Variants in ZNF236 observed in about 807,000 individuals in gnomAD.
The protein encoded by ZNF236 is zinc finger protein 236.
A neutral mutation model predicts 191.2 loss-of-function variants in ZNF236; 50 were observed. That is an observed-to-expected ratio of 0.26 (90% CI 0.21 to 0.33). ZNF236 has a LOEUF of 0.33. Among genes scored for constraint, ZNF236 ranks in the 10% least tolerant of loss-of-function variants. The pLI is 1.00. For missense variants in ZNF236, 1,754 were observed against 2,374.5 expected, an observed-to-expected ratio of 0.74 and a Z score of 5.43; for synonymous variants, 907 against 928.8, an observed-to-expected ratio of 0.98 and a Z score of 0.43.
intron 26 of ZNF236, among the ~76,000 whole-genome samples, chr18:76,938,147 T>C (rs572485591): frequency 3.3e-5 from 5 of 152,108 alleles, no homozygotes; most frequent in Non-Finnish European, 5.9e-5. Context: ...CCCAGCACTT[T>C]GGGAGGCTGA....
At chr18:76,928,185 T>C in intron 25 of ZNF236, 79 bp downstream of exon 25, 7 of 1,163,846 alleles carry the variant, frequency 6.0e-6, no homozygotes, top group Non-Finnish European at 7.0e-6. Flanking sequence ...TTTCCTACAA[T>C]ACTCTGCTGT....
intron 3 of ZNF236, 64 bp from the exon 4 acceptor site, chr18:76,868,621 C>G: frequency 7.2e-7 from 1 of 1,382,148 alleles, no homozygotes; most frequent in South Asian, 1.4e-5. Context: ...GTTGATCATA[C>G]CAGTTCTTTG....
In ZNF236 at chr18:76,968,165, G is replaced by A. The variant is rs753972814; in HGVS notation, c.5420-50G>A. The A allele has an allele frequency of 1.3e-5, 21 of 1,607,508 alleles. No individual in the cohort carries two copies. In the South Asian group the frequency reaches 2.2e-4, roughly 17 times the overall value. ...TCTTTATTTAAATAGGAATCATTTT[G>A]TGCTCTGGAAGGTCTGAGGCTGCTT... is the stretch of plus-strand genomic sequence containing the variant. On this transcript the variant is annotated intron_variant, in intron 30 of 30. Coordinates refer to ENST00000320610, the MANE Select transcript of ZNF236 (RefSeq NM_001306089.2).
At chr18:76,862,818 T>G (rs920732253) in intron 3 of ZNF236, among the ~76,000 whole-genome samples, 1 of 152,076 alleles carries the variant, frequency 6.6e-6, no homozygotes, top group Non-Finnish European at 1.5e-5. Context: ...CAAGAGCTGG[T>G]CCCACAGTTT....
Position 76,925,098 on chromosome 18 carries a change from A to C in ZNF236, c.3662-91A>C. 1 of 1,525,416 alleles carries C rather than the reference A, an allele frequency of 6.6e-7. No individual in the cohort carries two copies. Among genetic ancestry groups the C allele is most frequent in the South Asian group, 1.3e-5 (1 of 76,836 alleles). The allele number at this position is 1,525,416 out of a possible 1,614,324, so 94.5% of individuals were successfully genotyped here. On this transcript the variant is annotated intron_variant, in intron 21 of 30. Coordinates refer to ENST00000320610, the MANE Select transcript of ZNF236 (RefSeq NM_001306089.2). This position sits in a 1 kb window ranked among gnomAD's most constrained non-coding sequence, Gnocchi z 5.7. The stretch of plus-strand genomic sequence containing the variant: ...AAGTACTTCCATCCACTGATTCAAC[A>C]TATTTACATCCATAGTGACAGCTGA...
At chr18:76,850,131 AG>A (rs1421956531) in intron 2 of ZNF236, among the ~76,000 whole-genome samples, 1 of 152,196 alleles carries the variant, frequency 6.6e-6, no homozygotes, top group Non-Finnish European at 1.5e-5. Context: ...TCTTTTTTGC[AG>A]TACCTCTTGT....
rs1223220198 is a variant in ZNF236 at position 76,878,130 on chromosome 18, C to G, written c.962C>G (p.Thr321Arg). Residue 321 changes from threonine (T) to arginine (R), a missense_variant, in exon 7 of 31, where the codon ACA becomes AGA. Coordinates refer to ENST00000320610, the MANE Select transcript of ZNF236 (RefSeq NM_001306089.2). ...GGGCCACAGAATTCAACAAGTTCTA[C>G]AGAGACTGCTCATGTTTTAACGGTA... ...MGGPQNSTSS[T>R]ETAHVLTATL... The G allele has an allele frequency of 1.9e-6, 3 of 1,611,254 alleles. No individual in the cohort carries two copies. In the African/African-American group the frequency reaches 4.0e-5, roughly 22 times the overall value.
At chr18:76,923,263 T>C in intron 21 of ZNF236, 89 bp downstream of exon 21, 1 of 884,264 alleles carries the variant, frequency 1.1e-6, no homozygotes, top group Non-Finnish European at 1.8e-6. Flanking sequence ...ACATAAATAC[T>C]TTCCAAATTA....
rs530570295 is a variant in ZNF236, at chr18:76,930,380, G to A, written c.4594+2274G>A. Among the ~76,000 whole-genome samples, 14 of 152,330 alleles carry A rather than the reference G, an allele frequency of 9.2e-5. No homozygotes were observed. The South Asian group carries it at 1.7e-3, about 18-fold the overall frequency. On this transcript the variant is annotated intron_variant, in intron 25 of 30. Coordinates refer to ENST00000320610, the MANE Select transcript of ZNF236 (RefSeq NM_001306089.2). The stretch of plus-strand genomic sequence containing the variant: ...CCTACACCTATTTTGACAGCAGAAT[G>A]TTTAAAGTATCTTGTCTTTACCAAG...
intron 1 of ZNF236, among the ~76,000 whole-genome samples, chr18:76,844,466 A>G (rs1039057086): frequency 6.6e-6 from 1 of 152,202 alleles, no homozygotes; most frequent in African/African-American, 2.4e-5. Context: ...GCACACTGAC[A>G]GCAGAGTGAG....
At chr18:76,966,197 T>C in intron 30 of ZNF236, among the ~76,000 whole-genome samples, 1 of 152,230 alleles carries the variant, frequency 6.6e-6, no homozygotes, top group Non-Finnish European at 1.5e-5. Flanking sequence ...AGCCTCCTCA[T>C]GCTGCTCTGT....
At chr18:76,852,823 C>T (rs1975917876) in intron 3 of ZNF236, among the ~76,000 whole-genome samples, 1 of 152,122 alleles carries the variant, frequency 6.6e-6, no homozygotes. Flanking sequence ...CATATTCAGA[C>T]GATCCCTGAC....
At chr18:76,914,061 T>C (rs1399966721) in intron 18 of ZNF236, among the ~76,000 whole-genome samples, 163 bp downstream of exon 18, 2 of 152,256 alleles carry the variant, frequency 1.3e-5, no homozygotes, top group African/African-American at 4.8e-5. Flanking sequence ...TTTTAGGACA[T>C]TTTTATTACA....
At chr18:76,847,900 A>G (rs1169475291) in intron 1 of ZNF236, among the ~76,000 whole-genome samples, 1 of 152,248 alleles carries the variant, frequency 6.6e-6, no homozygotes, top group Non-Finnish European at 1.5e-5. Flanking sequence ...TAGAATAAAA[A>G]TTATGCATAT....
chr18:76,849,428 C>T, intron 1 of ZNF236, 98 bp from the exon 2 acceptor site: 1 of 946,896 alleles, frequency 1.1e-6, no homozygotes, highest in East Asian at 2.8e-5. Flanking sequence ...AAATCTCTGA[C>T]ATAATTTGGT....
chr18:76,851,296 C>T (rs1194149549), intron 2 of ZNF236, among the ~76,000 whole-genome samples: 4 of 141,490 alleles, frequency 2.8e-5, no homozygotes, highest in Admixed American at 1.4e-4. Flanking sequence ...GACAGAGTCT[C>T]GCCCTCTTGC....
At chr18:76,911,667 G>T (rs191841769) in intron 16 of ZNF236, among the ~76,000 whole-genome samples, 2 of 152,182 alleles carry the variant, frequency 1.3e-5, no homozygotes, top group Admixed American at 1.3e-4. Context: ...CAGGCCTTCT[G>T]AAGGTCAGTG....
chr18:76,876,051 C>A (rs1047564669), intron 6 of ZNF236, among the ~76,000 whole-genome samples: 1 of 152,178 alleles, frequency 6.6e-6, no homozygotes, highest in African/African-American at 2.4e-5. Context: ...GTTTTTCTTA[C>A]TGCTAATACT....
chr18:76,832,359 G>T (rs1729882805), intron 1 of ZNF236, among the ~76,000 whole-genome samples: 1 of 152,124 alleles, frequency 6.6e-6, no homozygotes, highest in African/African-American at 2.4e-5. Context: ...GGAATTACAG[G>T]TGTGAGCTGC....
Sources: allele counts gnomAD v4.1 joint callset (sites outside exome capture counted in the v4.1 genomes callset), GRCh38; gene constraint gnomAD v4.1.1; non-coding constraint Gnocchi (gnomAD v3.1); transcripts MANE v1.5; gene names NCBI Gene and HGNC (gene_info 2026-07-23, HGNC 2026-07-21).